Variants in XKR9 observed in about 807,000 individuals in gnomAD.
The protein encoded by XKR9 is XK related 9.
Under a neutral mutation model 32.0 loss-of-function variants are expected in XKR9, and 32 were observed. The ratio of observed to expected loss-of-function variants is 1.00; its 90% CI spans 0.76 to 1.34. XKR9 has a LOEUF of 1.34. Ranked by LOEUF, XKR9 falls within the 40% of genes most tolerant of loss-of-function variation. XKR9 has a pLI of 0.00. For missense variants in XKR9, 546 were observed against 429.7 expected (o/e 1.27, Z -2.39); for synonymous variants, 168 against 143.4 (o/e 1.17, Z -1.22).
At chr8:70,740,328 T>G (rs1806948542), downstream of XKR9, among the ~76,000 whole-genome samples, 2 of 152,140 alleles carry the variant, frequency 1.3e-5, no homozygotes. Context: ...TCAGCTCCTT[T>G]AAGCACTTCT....
At chr8:70,728,863 G>A (rs892195385) in intron 4 of XKR9, among the ~76,000 whole-genome samples, 8 of 152,116 alleles carry the variant, frequency 5.3e-5, no homozygotes, top group Non-Finnish European at 1.2e-4. Flanking sequence ...AAGGAATCTC[G>A]GATAAGATAT....
the XKR9 span, among the ~76,000 whole-genome samples, chr8:70,846,319 G>T: frequency 4.6e-5 from 7 of 152,122 alleles, no homozygotes; most frequent in African/African-American, 1.7e-4. Flanking sequence ...CTTACAATGG[G>T]ATGTGAAAAG....
the XKR9 span, among the ~76,000 whole-genome samples, chr8:70,934,730 G>T: frequency 6.6e-6 from 1 of 151,932 alleles, no homozygotes; most frequent in Admixed American, 6.6e-5. Context: ...AATGAATTAT[G>T]CATGTTTATT....
chr8:70,982,138 A>G, the XKR9 span, among the ~76,000 whole-genome samples: 3 of 152,358 alleles, frequency 2.0e-5, no homozygotes, highest in South Asian at 6.2e-4. Flanking sequence ...AGGAGGTGGC[A>G]CTTTCAAGAG....
At chr8:71,041,353 C>T in the XKR9 span, among the ~76,000 whole-genome samples, 2 of 152,094 alleles carry the variant, frequency 1.3e-5, no homozygotes, top group Non-Finnish European at 2.9e-5. Context: ...ATTTTCACAT[C>T]TTGGGAAAGA....
rs1041832516 is a variant in XKR9, at chr8:70,682,000, C to T, written c.272+670C>T. Among the ~76,000 whole-genome samples the T allele has an allele frequency of 2.6e-5, 4 of 151,958 alleles. No individual in the cohort carries two copies. In the East Asian group the frequency reaches 7.7e-4, roughly 29 times the overall value. On this transcript the variant is annotated intron_variant, in intron 3 of 4. Coordinates refer to ENST00000408926, the MANE Select transcript of XKR9 (RefSeq NM_001011720.2). ...TTCTTATATTAATTAATGGGAATAACGCCATTGTATTTATGTGGAGACTTA... is the reference window on the plus strand; with the variant it reads ...TTCTTATATTAATTAATGGGAATAATGCCATTGTATTTATGTGGAGACTTA...
At chr8:70,909,476 T>C in the XKR9 span, among the ~76,000 whole-genome samples, 2 of 152,082 alleles carry the variant, frequency 1.3e-5, no homozygotes, top group South Asian at 4.1e-4. Flanking sequence ...GCCATTTGTT[T>C]ACGTTTTGTA....
intron 4 of XKR9, among the ~76,000 whole-genome samples, chr8:70,722,847 G>C (rs775227239): frequency 2.0e-5 from 3 of 152,034 alleles, no homozygotes; most frequent in Non-Finnish European, 4.4e-5. Context: ...GGCCTGTCTT[G>C]CTAGGTTGGG....
At chr8:71,055,730 T>C in the XKR9 span, among the ~76,000 whole-genome samples, 29 of 152,206 alleles carry the variant, frequency 1.9e-4, no homozygotes, top group Non-Finnish European at 1.5e-4. Context: ...AAATAGATTC[T>C]TTCCTTGCTG....
the XKR9 span, among the ~76,000 whole-genome samples, chr8:70,935,134 T>C: frequency 1.4e-4 from 20 of 138,586 alleles, no homozygotes; most frequent in African/African-American, 3.5e-4. Context: ...CACACACACA[T>C]ATATATACAC....
At chr8:70,669,913 G>T (rs1240322253) in intron 1 of XKR9, among the ~76,000 whole-genome samples, 1 of 152,074 alleles carries the variant, frequency 6.6e-6, no homozygotes, top group East Asian at 1.9e-4. Flanking sequence ...TGATCCGCCC[G>T]CCTCGGCCTC....
the XKR9 span, among the ~76,000 whole-genome samples, chr8:70,829,728 G>A: frequency 6.6e-6 from 1 of 152,246 alleles, no homozygotes; most frequent in Middle Eastern, 3.4e-3. Context: ...GATTACAGTT[G>A]TGAGCCACGG....
the XKR9 span, among the ~76,000 whole-genome samples, chr8:70,896,127 G>A: frequency 2.0e-5 from 3 of 152,088 alleles, no homozygotes; most frequent in African/African-American, 7.2e-5. Context: ...TTTTGTTGAG[G>A]ATTTATACAT....
the XKR9 span, among the ~76,000 whole-genome samples, chr8:71,056,264 A>G: frequency 6.7e-6 from 1 of 150,316 alleles, no homozygotes; most frequent in Non-Finnish European, 1.5e-5. Context: ...TTTTTTTGGA[A>G]TGGGGATTTC....
Position 70,777,695 on chromosome 8 carries a change from C to T in XKR9, n.353-11644C>T, listed in dbSNP as rs527300196. ...CTCATTGTGGTTTTGACTTGCATTT[C>T]TCTAATGACCAGTGATGATGAGCAT... On this transcript the variant is annotated intron_variant and non_coding_transcript_variant, in intron 2 of 3. Coordinates refer to the XKR9 transcript ENST00000520273. Among the ~76,000 whole-genome samples, 5 of 152,266 alleles carry T rather than the reference C, an allele frequency of 3.3e-5. No homozygotes were observed. The East Asian group carries it at 9.6e-4, about 29-fold the overall frequency.
At chr8:71,008,231 G>T in the XKR9 span, among the ~76,000 whole-genome samples, 4 of 152,098 alleles carry the variant, frequency 2.6e-5, no homozygotes, top group Admixed American at 1.3e-4. Flanking sequence ...GAGGTACAAG[G>T]GCAAAGAGCA....
At chr8:71,062,270 G>A in the XKR9 span, among the ~76,000 whole-genome samples, 3 of 152,088 alleles carry the variant, frequency 2.0e-5, no homozygotes, top group African/African-American at 2.4e-5. Context: ...CCATCGACTG[G>A]GTGGCTTTAT....
chr8:70,738,957 G>A (rs1221801928), downstream of XKR9, among the ~76,000 whole-genome samples: 1 of 152,180 alleles, frequency 6.6e-6, no homozygotes, highest in African/African-American at 2.4e-5. Context: ...TTGATTTGGG[G>A]TGGAGAGTTC....
At chr8:70,782,787 T>A (rs915084602) in intron 2 of XKR9, among the ~76,000 whole-genome samples, 2 of 152,192 alleles carry the variant, frequency 1.3e-5, no homozygotes, top group Non-Finnish European at 2.9e-5. Flanking sequence ...AGTATCCTAC[T>A]GCGTATGTAG....
Sources: gnomAD v4.1 joint callset for allele counts (sites outside exome capture counted in the v4.1 genomes callset) on GRCh38, gnomAD v4.1.1 for gene constraint, MANE v1.5 for transcripts, NCBI Gene and HGNC (gene_info 2026-07-23, HGNC 2026-07-21) for gene names.